Variants in RABL3 observed in about 807,000 individuals in gnomAD.
The protein encoded by RABL3 is rab-like protein 3.
RABL3 carries 31 observed loss-of-function variants against 31.8 expected under a neutral mutation model. The observed-to-expected ratio is 0.97, with a 90% CI of 0.73 to 1.31. The LOEUF (loss-of-function observed/expected upper bound fraction) is 1.31. Among genes scored for constraint, RABL3 ranks in the 40% most tolerant of loss-of-function variants. The probability of loss-of-function intolerance (pLI) is 0.00; values close to 1 mark genes in which losing one functional copy is unlikely to be tolerated. For synonymous variants in RABL3, 97 were observed against 99.9 expected, an observed-to-expected ratio of 0.97 and a Z score of 0.18; for missense variants, 263 against 279.6, an observed-to-expected ratio of 0.94 and a Z score of 0.42.
At chr3:120,706,310 T>G in intron 3 of RABL3, among the ~76,000 whole-genome samples, 196 bp from the exon 4 acceptor site, 1 of 152,188 alleles carries the variant, frequency 6.6e-6, no homozygotes, top group East Asian at 1.9e-4. Flanking sequence ...CCTTTCTCTG[T>G]CAGTTTTATA....
rs149497394 is a variant in RABL3 at position 120,734,334 on chromosome 3, T to A, written c.47-3547A>T. ...TTGTGAATGGGGAGTTCACTCATGA[T>A]TTGGCTGTTTGTCTGTTATTGGTGT... On this transcript the variant is annotated intron_variant, in intron 1 of 7. Coordinates refer to ENST00000273375, the MANE Select transcript of RABL3 (RefSeq NM_173825.5). 3.8e-3 allele frequency among the ~76,000 whole-genome samples: 581 copies of A among 152,236 alleles called. 2 individuals are homozygous for A. The highest frequency in any genetic ancestry group is 0.013 in the African/African-American group (545 of 41,552).
intron 2 of RABL3, among the ~76,000 whole-genome samples, chr3:120,713,511 T>C (rs1479791857): frequency 6.6e-6 from 1 of 152,158 alleles, no homozygotes; most frequent in East Asian, 1.9e-4. Flanking sequence ...GAACCCAACA[T>C]GATGGGAGGT....
intron 2 of RABL3, among the ~76,000 whole-genome samples, chr3:120,723,730 C>A (rs1708779217): frequency 6.6e-6 from 1 of 152,120 alleles, no homozygotes; most frequent in Non-Finnish European, 1.5e-5. Flanking sequence ...CAGAAAAAAC[C>A]TTTGACAAAA....
intron 4 of RABL3, among the ~76,000 whole-genome samples, chr3:120,705,318 T>C (rs1018508231): frequency 3.3e-5 from 5 of 152,110 alleles, no homozygotes; most frequent in Non-Finnish European, 7.4e-5. Flanking sequence ...ATTCTAAAAA[T>C]TCATGTGGAA....
chr3:120,720,202 G>A (rs1708720976), intron 2 of RABL3, among the ~76,000 whole-genome samples: 1 of 152,186 alleles, frequency 6.6e-6, no homozygotes, highest in African/African-American at 2.4e-5. Flanking sequence ...CATCATCAAA[G>A]ACCAAAGGTA....
rs1205653100 is a variant in RABL3, at chr3:120,685,989, G to A, written c.*3834C>T. On this transcript the variant is annotated 3_prime_UTR_variant, in exon 8 of 8. Transcript: ENST00000273375. ...CCCTCCATGTGAGTCCTTAATGGAG[G>A]TGCAGATTAATTGTAACTGGATGTC... 6.6e-6 allele frequency among the ~76,000 whole-genome samples: 1 copy of A among 152,186 alleles called. No individual in the cohort carries two copies. The highest frequency in any genetic ancestry group is 1.5e-5 in the Non-Finnish European group (1 of 68,038).
intron 1 of RABL3, among the ~76,000 whole-genome samples, chr3:120,738,199 T>C (rs983412355): frequency 4.6e-5 from 7 of 152,240 alleles, no homozygotes; most frequent in African/African-American, 1.7e-4. Context: ...TCAAGCTTCA[T>C]CAATGGCGGG....
At chr3:120,694,548 C>T (rs767234769) in intron 5 of RABL3, among the ~76,000 whole-genome samples, 1 of 152,084 alleles carries the variant, frequency 6.6e-6, no homozygotes, top group Non-Finnish European at 1.5e-5. Context: ...GACCTACCTA[C>T]ATTTACCCCG....
chr3:120,691,669 G>T (rs1480113335), intron 6 of RABL3, among the ~76,000 whole-genome samples: 2 of 152,156 alleles, frequency 1.3e-5, no homozygotes, highest in Admixed American at 6.5e-5. Context: ...TAACCCTATC[G>T]CAAGTTGAGG....
chr3:120,722,480 G>A (rs1708757401), intron 2 of RABL3: 1 of 152,116 alleles, frequency 6.6e-6, no homozygotes, highest in African/African-American at 2.4e-5. Flanking sequence ...GCCCAACTAG[G>A]CCTTCAAGAT....
chr3:120,689,879 A>T lies in RABL3; in HGVS notation c.655T>A (p.Phe219Ile), dbSNP rs769252582. 1.9e-6 allele frequency: 3 copies of T among 1,612,794 alleles called. No homozygotes were observed. Among genetic ancestry groups the T allele is most frequent in the Admixed American group, 3.3e-5 (2 of 60,022 alleles). The change falls in exon 8 of 8, where the codon TTT becomes ATT. Residue 219 changes from phenylalanine (F) to isoleucine (I), a missense_variant. By Grantham distance (21) the Phe-to-Ile change is conservative. Coordinates refer to ENST00000273375, the MANE Select transcript of RABL3 (RefSeq NM_173825.5). ...GCCCCAAATCTTTTCCGATCAGGAAAGCCTGGAATCTGTAGGCAAGAAAGA... is the reference window on the plus strand; with the variant it reads ...GCCCCAAATCTTTTCCGATCAGGAATGCCTGGAATCTGTAGGCAAGAAAGA... ...FLREGNQIPG[F>I]PDRKRFGAGT...
At chr3:120,723,046 G>A (rs1250348088) in intron 2 of RABL3, among the ~76,000 whole-genome samples, 3 of 152,018 alleles carry the variant, frequency 2.0e-5, no homozygotes, top group Admixed American at 6.6e-5. Flanking sequence ...TTGATAGACC[G>A]CTAGCAACAC....
intron 2 of RABL3, among the ~76,000 whole-genome samples, chr3:120,719,376 G>C (rs576253099): frequency 8.5e-5 from 13 of 152,296 alleles, no homozygotes; most frequent in African/African-American, 2.9e-4. Context: ...ACAGCGCACC[G>C]AGTGTGAGTC....
chr3:120,706,202 A>AACCTAATGC, intron 3 of RABL3, 88 bp from the exon 4 acceptor site: 1 of 788,856 alleles, frequency 1.3e-6, no homozygotes, highest in Non-Finnish European at 2.1e-6. Flanking sequence ...AAACAGAAGC[A>AACCTAATGC]TTAGGTTGCT....
intron 2 of RABL3, among the ~76,000 whole-genome samples, chr3:120,719,579 C>T (rs1481536002): frequency 1.5e-4 from 23 of 152,224 alleles, no homozygotes; most frequent in Admixed American, 1.4e-3. Flanking sequence ...AAGGGTCCTA[C>T]GCCCACGAAG....
chr3:120,730,745 T>G lies in RABL3; in HGVS notation c.89A>C (p.Gln30Pro), dbSNP rs778514268. Residue 30 changes from glutamine (Q) to proline (P), a missense_variant, in exon 2 of 8, where the codon CAA (glutamine) becomes CCA (proline). Transcript: ENST00000273375. Reference sequence around the variant, plus strand: ...AGTCCATGATGGATTTCCCAGCACTTGATTTTGGCATAGGAGATGGACTAA... The same window carrying G: ...AGTCCATGATGGATTTCCCAGCACTGGATTTTGGCATAGGAGATGGACTAA... ...SSLVHLLCQN[Q>P]VLGNPSWTVG... 1 of 1,613,944 alleles carries G rather than the reference T, an allele frequency of 6.2e-7. No individual in the cohort carries two copies. The highest frequency in any genetic ancestry group is 1.7e-5 in the Admixed American group (1 of 60,002).
chr3:120,696,122 C>T (rs1708432978), intron 5 of RABL3, among the ~76,000 whole-genome samples: 1 of 152,074 alleles, frequency 6.6e-6, no homozygotes, highest in African/African-American at 2.4e-5. Context: ...TACAATAAGC[C>T]TAACAGGATT....
chr3:120,690,273 C>T (rs1458770932), intron 7 of RABL3, among the ~76,000 whole-genome samples, 176 bp downstream of exon 7: 2 of 151,992 alleles, frequency 1.3e-5, no homozygotes, highest in Non-Finnish European at 2.9e-5. Context: ...TTTCCTAGAT[C>T]CTTATTTTCC....
intron 4 of RABL3, among the ~76,000 whole-genome samples, chr3:120,702,610 T>C (rs1306480067): frequency 3.3e-5 from 5 of 150,768 alleles, no homozygotes; most frequent in Non-Finnish European, 5.9e-5. Context: ...CAAGCTGGGG[T>C]GCAGTGGCGT....
Sources: allele counts gnomAD v4.1 joint callset (sites outside exome capture counted in the v4.1 genomes callset), GRCh38; gene constraint gnomAD v4.1.1; transcripts MANE v1.5; gene names NCBI Gene and HGNC (gene_info 2026-07-23, HGNC 2026-07-21).